RSRC1: variants seen among roughly 807,000 people sequenced by gnomAD.
RSRC1 encodes the protein serine/Arginine-related protein 53.
A neutral mutation model predicts 49.1 loss-of-function variants in RSRC1; 39 were observed. That is an observed-to-expected ratio of 0.79 (90% CI 0.61 to 1.04). The LOEUF is 1.04. RSRC1 is among the 50% of genes least tolerant of loss of function. RSRC1 has a pLI of 0.00. For missense variants in RSRC1, 388 were observed against 402.4 expected, an observed-to-expected ratio of 0.96 and a Z score of 0.31; for synonymous variants, 143 against 130.8, an observed-to-expected ratio of 1.09 and a Z score of -0.63.
intron 5 of RSRC1, among the ~76,000 whole-genome samples, chr3:158,313,564 A>G (rs1728243497): frequency 6.6e-6 from 1 of 152,194 alleles, no homozygotes; most frequent in African/African-American, 2.4e-5. Context: ...CCACTGTTAT[A>G]TCCAGAATTG....
intron 6 of RSRC1, among the ~76,000 whole-genome samples, chr3:158,390,795 AAT>A (rs1316216859): frequency 6.6e-6 from 1 of 152,134 alleles, no homozygotes; most frequent in East Asian, 1.9e-4. Context: ...GAAATTTGTC[AAT>A]GAGTGGATTT....
At chr3:158,371,484 A>G (rs1222632294) in intron 6 of RSRC1, among the ~76,000 whole-genome samples, 9 of 151,796 alleles carry the variant, frequency 5.9e-5, no homozygotes, top group Non-Finnish European at 1.5e-5. Flanking sequence ...TGGACTCATA[A>G]TATGTAGACT....
At chr3:158,233,188 ATCT>A (rs1187697859) in intron 4 of RSRC1, among the ~76,000 whole-genome samples, 3 of 152,172 alleles carry the variant, frequency 2.0e-5, no homozygotes, top group African/African-American at 7.2e-5. Context: ...TGACACTATC[ATCT>A]TCAGAGTAGA....
chr3:158,276,707 A>C (rs561701189), intron 4 of RSRC1, among the ~76,000 whole-genome samples: 1 of 152,282 alleles, frequency 6.6e-6, no homozygotes, highest in African/African-American at 2.4e-5. Context: ...TAGCAGACTA[A>C]AAGCAGATGG....
intron 7 of RSRC1, among the ~76,000 whole-genome samples, chr3:158,501,036 C>A (rs959227146): frequency 6.6e-6 from 1 of 151,732 alleles, no homozygotes; most frequent in African/African-American, 2.4e-5. Flanking sequence ...TTGCTGTAGC[C>A]CAGAGGTTTT....
At chr3:158,405,781 G>A (rs1734133198) in intron 6 of RSRC1, among the ~76,000 whole-genome samples, 1 of 152,110 alleles carries the variant, frequency 6.6e-6, no homozygotes, top group African/African-American at 2.4e-5. Context: ...TGTAGAATGG[G>A]AAGAAGGCAT....
At chr3:158,465,215 A>G (rs942724849) in intron 7 of RSRC1, among the ~76,000 whole-genome samples, 1 of 152,144 alleles carries the variant, frequency 6.6e-6, no homozygotes, top group Non-Finnish European at 1.5e-5. Context: ...TGCCTGGTCA[A>G]TGTAAGATAC....
In RSRC1 at chr3:158,281,083, G is replaced by A. The variant is rs1482282730; in HGVS notation, c.495-16956G>A. ...GATGGAGGTCATGGCAATTGAATTA[G>A]GATGGTGGCAGTTGATATAAATATA... is the stretch of plus-strand genomic sequence containing the variant. On this transcript the variant is annotated intron_variant, in intron 4 of 9. Transcript: ENST00000611884. Among the ~76,000 whole-genome samples, 4 of 150,570 alleles carry A rather than the reference G, an allele frequency of 2.7e-5. No individual in the cohort carries two copies. The East Asian group carries it at 7.7e-4, about 29-fold the overall frequency.
intron 6 of RSRC1, among the ~76,000 whole-genome samples, chr3:158,390,590 A>G (rs565672187): frequency 3.2e-4 from 48 of 152,198 alleles, no homozygotes; most frequent in Non-Finnish European, 6.2e-4. Context: ...TATACTAACT[A>G]CATAGAATTT....
At chr3:158,516,911 C>G (rs1053668796) in intron 7 of RSRC1, among the ~76,000 whole-genome samples, 1 of 152,206 alleles carries the variant, frequency 6.6e-6, no homozygotes, top group Non-Finnish European at 1.5e-5. Flanking sequence ...ACTCCCTGAC[C>G]CCTTGTGCTT....
chr3:158,120,613 AAT>A (rs1372404944), intron 1 of RSRC1, among the ~76,000 whole-genome samples: 3 of 147,196 alleles, frequency 2.0e-5, no homozygotes, highest in African/African-American at 7.4e-5. Flanking sequence ...GTTAATATTT[AAT>A]ATATAATATA....
At chr3:158,346,621 C>T (rs575813862) in intron 5 of RSRC1, among the ~76,000 whole-genome samples, 2 of 152,284 alleles carry the variant, frequency 1.3e-5, no homozygotes, top group Admixed American at 6.5e-5. Context: ...AGAAGACTCA[C>T]TCTACCAAGT....
chr3:158,322,905 TA>T (rs1728845434), intron 5 of RSRC1, among the ~76,000 whole-genome samples: 1 of 152,206 alleles, frequency 6.6e-6, no homozygotes, highest in African/African-American at 2.4e-5. Context: ...TGAGCTCATC[TA>T]GTGAGTTTTG....
chr3:158,154,724 A>G (rs1465251807), intron 3 of RSRC1, among the ~76,000 whole-genome samples: 1 of 152,076 alleles, frequency 6.6e-6, no homozygotes, highest in African/African-American at 2.4e-5. Flanking sequence ...CTGCCTTCCA[A>G]AGTGCTCGAT....
intron 3 of RSRC1, among the ~76,000 whole-genome samples, chr3:158,164,960 C>T (rs1718449899): frequency 1.3e-5 from 2 of 151,712 alleles, no homozygotes; most frequent in African/African-American, 4.8e-5. Flanking sequence ...TCTTTTTGTC[C>T]CTGTTTCTCC....
intron 3 of RSRC1, among the ~76,000 whole-genome samples, chr3:158,185,572 T>A (rs1251494287): frequency 1.3e-5 from 2 of 151,912 alleles, no homozygotes; most frequent in African/African-American, 2.4e-5. Context: ...ATTCTACTCC[T>A]ATATTTAAAG....
At chr3:158,184,366 G>A (rs1025265204) in intron 3 of RSRC1, among the ~76,000 whole-genome samples, 19 of 151,832 alleles carry the variant, frequency 1.3e-4, no homozygotes, top group African/African-American at 4.1e-4. Context: ...TCGATTTCAA[G>A]TTTTCTTTCC....
chr3:158,189,806 G>GT (rs1720132737), intron 3 of RSRC1, among the ~76,000 whole-genome samples: 1 of 151,138 alleles, frequency 6.6e-6, no homozygotes, highest in Admixed American at 6.6e-5. Flanking sequence ...CCATTTTTTC[G>GT]TTTTTTCTGC....
intron 3 of RSRC1, among the ~76,000 whole-genome samples, chr3:158,154,019 A>G (rs1578140928): frequency 6.6e-6 from 1 of 152,288 alleles, no homozygotes; most frequent in East Asian, 1.9e-4. Flanking sequence ...TGAATCCTTG[A>G]CTGGACAGCT....
Sources: gnomAD v4.1 joint callset for allele counts (sites outside exome capture counted in the v4.1 genomes callset) on GRCh38, gnomAD v4.1.1 for gene constraint, MANE v1.5 for transcripts, NCBI Gene and HGNC (gene_info 2026-07-23, HGNC 2026-07-21) for gene names.